The following ZNF407 variants were observed in gnomAD, a reference collection of about 807,000 sequenced individuals.
ZNF407 encodes the protein zinc finger protein 407.
ZNF407 carries 17 observed loss-of-function variants against 131.2 expected under a neutral mutation model. The observed-to-expected ratio is 0.13, with a 90% CI of 0.09 to 0.19. The LOEUF is 0.19. ZNF407 is among the 10% of genes least tolerant of loss of function. The probability of loss-of-function intolerance (pLI) is 1.00; values close to 1 mark genes in which losing one functional copy is unlikely to be tolerated. For missense variants in ZNF407, 2,681 were observed against 2,830.6 expected, an observed-to-expected ratio of 0.95 and a Z score of 1.20; for synonymous variants, 1,156 against 1,062.0, an observed-to-expected ratio of 1.09 and a Z score of -1.72.
At chr18:74,982,315 CT>C (rs1972602480) in intron 8 of ZNF407, among the ~76,000 whole-genome samples, 1 of 152,242 alleles carries the variant, frequency 6.6e-6, no homozygotes, top group South Asian at 2.1e-4. Context: ...AATACCTCCA[CT>C]GGTAAAACCC....
intron 3 of ZNF407, among the ~76,000 whole-genome samples, chr18:74,708,123 A>G (rs966762806): frequency 6.6e-6 from 1 of 152,246 alleles, no homozygotes; most frequent in Non-Finnish European, 1.5e-5. Context: ...AAAAGAAACA[A>G]CAAATAAAAA....
chr18:74,957,460 A>G (rs1972289741), intron 8 of ZNF407, among the ~76,000 whole-genome samples: 1 of 152,058 alleles, frequency 6.6e-6, no homozygotes, highest in African/African-American at 2.4e-5. Flanking sequence ...GGAGCATTCT[A>G]GATGAGGGAT....
chr18:75,030,057 T>A (rs1164552913), intron 8 of ZNF407, among the ~76,000 whole-genome samples: 6 of 152,086 alleles, frequency 3.9e-5, no homozygotes, highest in Admixed American at 3.9e-4. Context: ...CAATTAAGAG[T>A]TATATAAAAC....
chr18:74,983,757 C>T (rs1196081049), intron 8 of ZNF407, among the ~76,000 whole-genome samples: 1 of 152,196 alleles, frequency 6.6e-6, no homozygotes, highest in East Asian at 1.9e-4. Flanking sequence ...GTGACCTCAC[C>T]GTCTTTTCCT....
chr18:74,715,545 A>G (rs1008685992), intron 3 of ZNF407, among the ~76,000 whole-genome samples: 2 of 152,150 alleles, frequency 1.3e-5, no homozygotes, highest in African/African-American at 4.8e-5. Context: ...GGGAGCTGGC[A>G]CTCACTGGAG....
chr18:74,661,891 C>G (rs1055453054), intron 3 of ZNF407, among the ~76,000 whole-genome samples: 5 of 152,168 alleles, frequency 3.3e-5, no homozygotes, highest in Admixed American at 3.3e-4. Flanking sequence ...GGCCAGCCCC[C>G]TTTTCGTGGC....
At chr18:74,942,720 T>C (rs1275841667) in intron 8 of ZNF407, among the ~76,000 whole-genome samples, 4 of 152,112 alleles carry the variant, frequency 2.6e-5, no homozygotes, top group Non-Finnish European at 5.9e-5. Flanking sequence ...TTCCTCTCCA[T>C]GCTTGTCTGG....
At chr18:74,811,270 A>G (rs1001151671) in intron 4 of ZNF407, among the ~76,000 whole-genome samples, 4 of 152,244 alleles carry the variant, frequency 2.6e-5, no homozygotes, top group African/African-American at 9.6e-5. Flanking sequence ...AAACACATGA[A>G]AAAATGCTCA....
chr18:74,676,318 C>T (rs946862311), intron 3 of ZNF407, among the ~76,000 whole-genome samples: 3 of 152,092 alleles, frequency 2.0e-5, no homozygotes, highest in Non-Finnish European at 4.4e-5. Context: ...TCTCAAACTC[C>T]TGAGCTCAGG....
rs1305360363 is a variant in ZNF407, at chr18:74,597,892, G to A, written c.-99G>A. On this transcript the variant is annotated 5_prime_UTR_variant, in exon 1 of 9. Transcript: ENST00000299687. Reference sequence around the variant, plus strand: ...CCCAAAGGGAAGACGGTGAGCCGGAGGAGTCAGTCAGAGGGGCGAGCAGGA... The same window carrying A: ...CCCAAAGGGAAGACGGTGAGCCGGAAGAGTCAGTCAGAGGGGCGAGCAGGA... 6.5e-6 allele frequency: 1 copy of A among 152,696 alleles called. No homozygotes were observed. The highest frequency in any genetic ancestry group is 2.4e-5 in the African/African-American group (1 of 41,466). 9.5% of individuals were successfully genotyped at this position (152,696 alleles called of 1,614,324 possible).
rs541658233 is a variant in ZNF407 at position 74,732,036 on chromosome 18, T to C, written c.4803-49392T>C. Among the ~76,000 whole-genome samples the C allele has an allele frequency of 5.3e-5, 8 of 152,338 alleles. 1 individual carries two copies. Among genetic ancestry groups the C allele is most frequent in the African/African-American group, 1.9e-4 (8 of 41,568 alleles). On this transcript the variant is annotated intron_variant, in intron 3 of 8. Transcript: ENST00000299687. ...GAGGTAAAGAGACCAAAATAGCTTA[T>C]ACAAAGTAACCTAGGTAGGTTTTCA...
chr18:75,055,638 C>A (rs1305716340), intron 8 of ZNF407, among the ~76,000 whole-genome samples: 3 of 152,100 alleles, frequency 2.0e-5, no homozygotes, highest in Non-Finnish European at 4.4e-5. Context: ...ATATCTAGGC[C>A]CATGGAGACT....
chr18:74,737,190 G>A (rs1265537688), intron 3 of ZNF407, among the ~76,000 whole-genome samples: 1 of 152,080 alleles, frequency 6.6e-6, no homozygotes, highest in Non-Finnish European at 1.5e-5. Flanking sequence ...AATGTTGGAG[G>A]CATTTTTGAT....
chr18:74,904,353 T>C (rs926628181), intron 7 of ZNF407, among the ~76,000 whole-genome samples: 11 of 152,338 alleles, frequency 7.2e-5, no homozygotes, highest in Admixed American at 3.9e-4. Context: ...TATGATGATA[T>C]GAAACAGTTA....
intron 2 of ZNF407, among the ~76,000 whole-genome samples, chr18:74,639,689 A>C (rs1984619716): frequency 6.6e-6 from 1 of 152,188 alleles, no homozygotes; most frequent in Non-Finnish European, 1.5e-5. Flanking sequence ...ATCTGGCTTC[A>C]TTGTCATTGA....
intron 4 of ZNF407, among the ~76,000 whole-genome samples, chr18:74,835,847 C>T (rs1295439878): frequency 1.3e-5 from 2 of 152,038 alleles, no homozygotes; most frequent in Non-Finnish European, 2.9e-5. Flanking sequence ...AGGAAGCTGA[C>T]ATTCTAGGAG....
In ZNF407 at chr18:74,706,940, CTTTTTTTTTTTTT is replaced by C. The variant is rs34700805; in HGVS notation, c.4802+65833_4802+65845del. 2.8e-3 allele frequency among the ~76,000 whole-genome samples: 366 copies of C among 132,260 alleles called. 5 individuals carry two copies. The East Asian group carries it at 0.046, about 17-fold the overall frequency. 86.8% of individuals were successfully genotyped at this position (132,260 alleles called of 152,430 possible). On this transcript the variant is annotated intron_variant, in intron 3 of 8. Coordinates refer to ENST00000299687, the MANE Select transcript of ZNF407 (RefSeq NM_017757.3). Reference sequence around the variant, plus strand: ...CATTCCACAGGGGCAAAGACAGCAGCTTTTTTTTTTTTTTTTTTTTTTTTTTTGAGATGGAGTC... The same window carrying C: ...CATTCCACAGGGGCAAAGACAGCAGCTTTTTTTTTTTTTTGAGATGGAGTC...
chr18:74,916,781 AGTGTGTGTGT>A (rs375090606), intron 7 of ZNF407, among the ~76,000 whole-genome samples: 1 of 87,924 alleles, frequency 1.1e-5, no homozygotes, highest in Non-Finnish European at 2.3e-5. Context: ...TCGAATCGGG[AGTGTGTGTGT>A]GTGTGTGTGT....
intron 6 of ZNF407, among the ~76,000 whole-genome samples, chr18:74,885,481 G>A (rs1181445163): frequency 6.6e-6 from 1 of 152,084 alleles, no homozygotes; most frequent in Admixed American, 6.5e-5. Flanking sequence ...ATACCGACAA[G>A]CTGATATTAA....
Sources: allele counts gnomAD v4.1 joint callset (sites outside exome capture counted in the v4.1 genomes callset), GRCh38; gene constraint gnomAD v4.1.1; transcripts MANE v1.5; gene names NCBI Gene and HGNC (gene_info 2026-07-23, HGNC 2026-07-21).